The following SORBS2 variants were observed in gnomAD, a reference collection of about 807,000 sequenced individuals.
The protein encoded by SORBS2 is sorbin and SH3 domain-containing protein 2.
Under a neutral mutation model 97.7 loss-of-function variants are expected in SORBS2, and 46 were observed. The observed-to-expected ratio is 0.47, with a 90% CI of 0.37 to 0.60. The LOEUF (loss-of-function observed/expected upper bound fraction) is 0.60, where lower values mean the gene tolerates loss of function less well. Ranked by LOEUF, SORBS2 falls within the 20% of genes least tolerant of loss-of-function variation. The pLI is 0.00. For missense variants in SORBS2, 1,316 were observed against 1,282.3 expected (o/e 1.03, Z -0.40); for synonymous variants, 476 against 473.4 (o/e 1.01, Z -0.07).
At chr4:185,881,976 T>G (rs2099237133) in intron 1 of SORBS2, among the ~76,000 whole-genome samples, 1 of 152,344 alleles carries the variant, frequency 6.6e-6, no homozygotes, top group South Asian at 2.1e-4. Context: ...TTCATTATTT[T>G]AATATGATCT....
rs535695706 is a variant in SORBS2, at chr4:185,923,472, A to ATTTTTTTTT, written c.-338+32715_-338+32723dup. Among the ~76,000 whole-genome samples, 318 of 110,470 alleles carry ATTTTTTTTT rather than the reference A, an allele frequency of 2.9e-3. 20 individuals carry two copies. Among genetic ancestry groups the ATTTTTTTTT allele is most frequent in the African/African-American group, 0.011 (300 of 28,342 alleles). 72.5% of individuals were successfully genotyped at this position (110,470 alleles called of 152,430 possible). ...TGCTTGGCTAAGTTTCTTTTTTTTA[A>ATTTTTTTTT]TTTTTTTTTTTTGTAGAGACAGGAC... On this transcript the variant is annotated intron_variant, in intron 1 of 20. Transcript: ENST00000284776.
At chr4:185,807,649 A>C (rs2099162599) in intron 1 of SORBS2, among the ~76,000 whole-genome samples, 1 of 152,250 alleles carries the variant, frequency 6.6e-6, no homozygotes, top group Non-Finnish European at 1.5e-5. Context: ...TTATTTGCCA[A>C]TACTCAGAAC....
At chr4:185,885,918 C>A (rs369097440) in intron 1 of SORBS2, among the ~76,000 whole-genome samples, 4 of 152,156 alleles carry the variant, frequency 2.6e-5, no homozygotes, top group African/African-American at 9.7e-5. Flanking sequence ...TGTTTTGATG[C>A]GTAGGTGCCA....
chr4:185,877,883 A>AAGAAAG (rs1554045186), intron 1 of SORBS2, among the ~76,000 whole-genome samples: 2 of 145,178 alleles, frequency 1.4e-5, no homozygotes, highest in African/African-American at 5.1e-5. Context: ...ACAAAAAAAA[A>AAGAAAG]AAAGAAAGAA....
At chr4:185,922,847 G>A (rs913504803) in intron 1 of SORBS2, among the ~76,000 whole-genome samples, 7 of 152,136 alleles carry the variant, frequency 4.6e-5, no homozygotes, top group Non-Finnish European at 8.8e-5. Flanking sequence ...GGGGAGGAGA[G>A]GAAGACCTAG....
At chr4:185,946,071 C>A (rs2099274374) in intron 1 of SORBS2, among the ~76,000 whole-genome samples, 1 of 151,730 alleles carries the variant, frequency 6.6e-6, no homozygotes, top group African/African-American at 2.4e-5. Flanking sequence ...AAGTTACTAA[C>A]ATGAGGAAGT....
intron 12 of SORBS2, among the ~76,000 whole-genome samples, chr4:185,601,879 T>C (rs1000196122): frequency 3.9e-5 from 6 of 152,170 alleles, no homozygotes; most frequent in Non-Finnish European, 8.8e-5. Context: ...CTGAGTTACT[T>C]GGAAGAAACC....
chr4:185,646,696 T>C (rs779766494), exon 4 of SORBS2: 1 of 1,613,138 alleles, frequency 6.2e-7, no homozygotes, highest in Non-Finnish European at 8.5e-7. Context: ...AATTGATGAC[T>C]TGCCAGGTTC....
intron 2 of SORBS2, among the ~76,000 whole-genome samples, chr4:185,679,356 A>G (rs1323005730): frequency 3.3e-5 from 5 of 152,146 alleles, no homozygotes; most frequent in Non-Finnish European, 7.4e-5. Flanking sequence ...TCCTATTGCA[A>G]TATAAAAGTC....
chr4:185,847,460 A>G (rs943340977), intron 1 of SORBS2, among the ~76,000 whole-genome samples: 1 of 152,144 alleles, frequency 6.6e-6, no homozygotes, highest in African/African-American at 2.4e-5. Flanking sequence ...ACATGCGTCA[A>G]TGGTGAACAA....
At chr4:185,839,176 C>T (rs2099210014) in intron 1 of SORBS2, among the ~76,000 whole-genome samples, 1 of 152,210 alleles carries the variant, frequency 6.6e-6, no homozygotes. Flanking sequence ...GAATTTTAAA[C>T]TTGCAGAGGG....
intron 2 of SORBS2, among the ~76,000 whole-genome samples, chr4:185,683,557 A>C (rs1297017882): frequency 1.3e-5 from 2 of 152,118 alleles, no homozygotes; most frequent in African/African-American, 4.8e-5. Flanking sequence ...ACACCTTTTT[A>C]TGTTCATACG....
chr4:185,764,397 G>A (rs1255492254), intron 2 of SORBS2, among the ~76,000 whole-genome samples: 1 of 152,102 alleles, frequency 6.6e-6, no homozygotes, highest in African/African-American at 2.4e-5. Context: ...GTAAATATCA[G>A]ATTTATAACA....
intron 13 of SORBS2, chr4:185,593,332 G>A (rs915611236): frequency 2.6e-5 from 4 of 152,548 alleles, no homozygotes; most frequent in Non-Finnish European, 5.9e-5. Context: ...TATCAGAAAG[G>A]AGAAGGAATT....
chr4:185,884,910 C>T (rs926201968), intron 1 of SORBS2, among the ~76,000 whole-genome samples: 5 of 152,200 alleles, frequency 3.3e-5, no homozygotes, highest in African/African-American at 1.2e-4. Context: ...TACAGTCATA[C>T]TGCTGATTTC....
At chr4:185,641,086 T>C (rs1161412757) in intron 4 of SORBS2, among the ~76,000 whole-genome samples, 1 of 152,158 alleles carries the variant, frequency 6.6e-6, no homozygotes, top group South Asian at 2.1e-4. Flanking sequence ...TAAGAAAATA[T>C]GTAACAAATG....
intron 1 of SORBS2, among the ~76,000 whole-genome samples, chr4:185,795,141 C>T (rs903713137): frequency 6.6e-6 from 1 of 152,152 alleles, no homozygotes; most frequent in Non-Finnish European, 1.5e-5. Context: ...CTGTCATCAT[C>T]TATAACTTAT....
intron 1 of SORBS2, among the ~76,000 whole-genome samples, chr4:185,788,421 G>A (rs1254805403): frequency 6.6e-6 from 1 of 152,170 alleles, no homozygotes; most frequent in Non-Finnish European, 1.5e-5. Context: ...CATTTCAGTT[G>A]AGTCATAGCC....
intron 12 of SORBS2, among the ~76,000 whole-genome samples, chr4:185,608,452 G>C (rs1205859356): frequency 6.6e-6 from 1 of 152,164 alleles, no homozygotes; most frequent in Non-Finnish European, 1.5e-5. Flanking sequence ...TTCAAAGCTT[G>C]ACATTTATGT....
Sources: gnomAD v4.1 joint callset for allele counts (sites outside exome capture counted in the v4.1 genomes callset) on GRCh38, gnomAD v4.1.1 for gene constraint, MANE v1.5 for transcripts, NCBI Gene and HGNC (gene_info 2026-07-23, HGNC 2026-07-21) for gene names.